The following LMTK3 variants were observed in gnomAD, a reference collection of about 807,000 sequenced individuals.
LMTK3 encodes serine/threonine-protein kinase LMTK3.
A neutral mutation model predicts 116.7 loss-of-function variants in LMTK3; 27 were observed. The ratio of observed to expected loss-of-function variants is 0.23; its 90% CI spans 0.17 to 0.32. The LOEUF is 0.32. LMTK3 is among the 10% of genes least tolerant of loss of function. LMTK3 has a pLI of 1.00. For missense variants in LMTK3, 1,764 were observed against 2,068.5 expected (o/e 0.85, Z 2.86); for synonymous variants, 965 against 971.0 (o/e 0.99, Z 0.11).
At position 48,497,973 on chromosome 19, in the gene LMTK3, C is replaced by T. The variant is rs1231175431; in HGVS notation, c.3096G>A (p.Lys1032=). Residue 1032 remains lysine, a synonymous_variant, in exon 11 of 15, where the codon AAG becomes AAA. Coordinates refer to ENST00000600059, the MANE Select transcript of LMTK3 (RefSeq NM_001388485.1). The surrounding 1 kb of genome is among the most constrained non-coding windows in gnomAD (Gnocchi z 5.7). ...GPWRAPGPWE[K]TPESWGPAPT... ...GGGCTGGACCCCAACTCTCGGGCGT[C>T]TTCTCCCAGGGCCCTGGGGCTCTCC... The T allele has an allele frequency of 6.3e-7, 1 of 1,598,324 alleles. No individual in the cohort carries two copies.
chr19:48,488,897 A>C (rs1193265709), intron 14 of LMTK3, among the ~76,000 whole-genome samples: 1 of 151,850 alleles, frequency 6.6e-6, no homozygotes, highest in Non-Finnish European at 1.5e-5. Flanking sequence ...GCGCCACCAT[A>C]CCCAACTAAT....
At chr19:48,492,547 G>A (rs1217429440) in intron 12 of LMTK3, among the ~76,000 whole-genome samples, 2 of 152,090 alleles carry the variant, frequency 1.3e-5, no homozygotes, top group East Asian at 1.9e-4. Context: ...CGTTAGGTTC[G>A]CTCATCCCTG....
chr19:48,511,530 G>T lies in LMTK3; in HGVS notation c.47C>A (p.Ser16Tyr). ...ALILLAAVSA[S>Y]GCLASPAHPD... The stretch of plus-strand genomic sequence containing the variant: ...GTGGGCCGGGGACGCCAGGCAGCCG[G>T]AGGCGGAGACGGCCGCAAGGAGGAT... The change falls in exon 1 of 15, where the codon TCC becomes TAC. Residue 16 changes from serine to tyrosine, a missense_variant. By Grantham distance (144) the Ser-to-Tyr change is moderately radical (BLOSUM62 -2). This residue lies in a region of LMTK3 where 66 missense variants were observed against 61.1 expected (regional missense o/e 1.08). Transcript: ENST00000600059. 1 of 1,422,746 alleles carries T rather than the reference G, an allele frequency of 7.0e-7. No homozygotes were observed. Among genetic ancestry groups the T allele is most frequent in the Non-Finnish European group, 9.3e-7 (1 of 1,074,336 alleles). The allele number at this position is 1,422,746 out of a possible 1,614,324, so 88.1% of individuals were successfully genotyped here. A position where few individuals can be genotyped will look rare whatever the true frequency, so the allele number is the denominator to read the frequency against.
At position 48,485,394 on chromosome 19, in the gene LMTK3, C is replaced by T. The variant is rs973591619; in HGVS notation, c.*379G>A. 1.7e-4 allele frequency: 35 copies of T among 200,362 alleles called. No homozygotes were observed. The highest frequency in any genetic ancestry group is 2.3e-4 in the Admixed American group (4 of 17,706). The allele number at this position is 200,362 out of a possible 1,614,324, so 12.4% of individuals were successfully genotyped here. A position where few individuals can be genotyped will look rare whatever the true frequency, so the allele number is the denominator to read the frequency against. On this transcript the variant is annotated 3_prime_UTR_variant, in exon 15 of 15. Transcript: ENST00000600059. ...AAGGGGAGACGCGAAATGGGGGGTC[C>T]GGGTCCCCGAAGCCTGCGGCCCCTG...
intron 7 of LMTK3, 118 bp downstream of exon 7, chr19:48,502,315 G>C: frequency 8.1e-7 from 1 of 1,232,662 alleles, no homozygotes; most frequent in Non-Finnish European, 1.1e-6. Context: ...TCCTCGGTTC[G>C]TCCCTATTTT....
In LMTK3 at chr19:48,498,697, C is replaced by G. The variant is rs1382043788; in HGVS notation, c.2372G>C (p.Gly791Ala). ...SGLSSPGPKP[G>A]DSGYETETPF... is the part of the protein sequence containing the mutation. Reference sequence around the variant, plus strand: ...GGTCTCGGTCTCGTAGCCGCTGTCCCCCGGCTTGGGGCCCGGCGACGAGAG... The same window carrying G: ...GGTCTCGGTCTCGTAGCCGCTGTCCGCCGGCTTGGGGCCCGGCGACGAGAG... Residue 791 changes from glycine to alanine, a missense_variant, in exon 11 of 15, where the codon GGG (glycine) becomes GCG (alanine). Gly to Ala is a moderately conservative substitution (Grantham distance 60, BLOSUM62 0). Transcript: ENST00000600059. 2.0e-6 allele frequency: 3 copies of G among 1,534,882 alleles called. No homozygotes were observed. The highest frequency in any genetic ancestry group is 1.7e-6 in the Non-Finnish European group (2 of 1,145,464).
chr19:48,510,331 T>A lies in LMTK3; in HGVS notation c.210+128A>T, dbSNP rs980742800. 3 of 1,426,514 alleles carry A rather than the reference T, an allele frequency of 2.1e-6. No individual in the cohort carries two copies. The African/African-American group carries it at 4.3e-5, about 21-fold the overall frequency. 88.4% of individuals were successfully genotyped at this position (1,426,514 alleles called of 1,614,324 possible). On this transcript the variant is annotated intron_variant, in intron 2 of 14. Coordinates refer to ENST00000600059, the MANE Select transcript of LMTK3 (RefSeq NM_001388485.1). ...TTCCCCATCCCAAGGCTCCAGATCT[T>A]GCCATAGCTTCAAGCTGGAAGGTGC...
Position 48,497,034 on chromosome 19 carries a change from C to A in LMTK3, c.3676+359G>T, listed in dbSNP as rs1381342321. On this transcript the variant is annotated intron_variant, in intron 11 of 14. Coordinates refer to ENST00000600059, the MANE Select transcript of LMTK3 (RefSeq NM_001388485.1). The surrounding 1 kb of genome is among the most constrained non-coding windows in gnomAD (Gnocchi z 5.7). ...GGCCCCTGTGGGCATGAGTTTGAGA[C>A]CCCTGGTCTAAGTGAGTTGCAATAA... is the stretch of plus-strand genomic sequence containing the variant. Among the ~76,000 whole-genome samples the A allele has an allele frequency of 6.6e-6, 1 of 152,320 alleles. No individual in the cohort carries two copies. The highest frequency in any genetic ancestry group is 2.4e-5 in the African/African-American group (1 of 41,568).
chr19:48,486,401 C>G (rs1049173375), intron 14 of LMTK3, among the ~76,000 whole-genome samples: 1 of 151,886 alleles, frequency 6.6e-6, no homozygotes, highest in Non-Finnish European at 1.5e-5. Flanking sequence ...CCACCTGCAA[C>G]GTCCCCTCCA....
At position 48,500,490 on chromosome 19, in the gene LMTK3, G is replaced by T. The variant is rs1278766963; in HGVS notation, c.1151+506C>A. 6.6e-6 allele frequency among the ~76,000 whole-genome samples: 1 copy of T among 152,050 alleles called. No homozygotes were observed. The highest frequency in any genetic ancestry group is 6.5e-5 in the Admixed American group (1 of 15,268). Reference sequence around the variant, plus strand: ...AGGGACAGAGACCCAGAGAGAGGGGGACAGAGACCTAGAGAGAGAGGGAAA... The same window carrying T: ...AGGGACAGAGACCCAGAGAGAGGGGTACAGAGACCTAGAGAGAGAGGGAAA... On this transcript the variant is annotated intron_variant, in intron 10 of 14. Coordinates refer to ENST00000600059, the MANE Select transcript of LMTK3 (RefSeq NM_001388485.1). The surrounding 1 kb of genome is among the most constrained non-coding windows in gnomAD (Gnocchi z 4.0).
At position 48,486,306 on chromosome 19, in the gene LMTK3, G is replaced by A. The variant is rs1019179079; in HGVS notation, c.4367-517C>T. Reference sequence around the variant, plus strand: ...GACCTCCTGACCTCGTGATCCACCCGCCTCGGCCTCCCAAAGTGCTGGGAT... The same window carrying A: ...GACCTCCTGACCTCGTGATCCACCCACCTCGGCCTCCCAAAGTGCTGGGAT... On this transcript the variant is annotated intron_variant, in intron 14 of 14. Transcript: ENST00000600059. Among the ~76,000 whole-genome samples, 10 of 150,322 alleles carry A rather than the reference G, an allele frequency of 6.7e-5. No homozygotes were observed. In the South Asian group the frequency reaches 1.3e-3, roughly 19 times the overall value.
At position 48,501,361 on chromosome 19, in the gene LMTK3, C is replaced by A; in HGVS notation, c.923G>T (p.Arg308Leu). 6.2e-7 allele frequency: 1 copy of A among 1,613,240 alleles called. No individual in the cohort carries two copies. The highest frequency in any genetic ancestry group is 8.5e-7 in the Non-Finnish European group (1 of 1,179,766). Residue 308 changes from arginine (R) to leucine (L), a missense_variant, in exon 9 of 15, where the codon CGC becomes CTC. Around this residue, in one of 7 missense-constraint regions of LMTK3, gnomAD observed 271 missense variants for 478.2 expected, o/e 0.57. Coordinates refer to ENST00000600059, the MANE Select transcript of LMTK3 (RefSeq NM_001388485.1). ...CCCGAGGAGCTCGGGCGCCGCCCAG[C>A]GCAGTGGGATCCACAGGCGCTCTGG... is the stretch of plus-strand genomic sequence containing the variant. ...LTPERLWIPL[R>L]WAAPELLGEL...
At position 48,501,194 on chromosome 19, in the gene LMTK3, C is replaced by T. The variant is rs779035196; in HGVS notation, c.1002-49G>A. ...GAGCCCAGCCCTGACCCACCCGGGC[C>T]TCATTTTCCCCATCTGTAGAACCGG... On this transcript the variant is annotated intron_variant, in intron 9 of 14. Transcript: ENST00000600059. The T allele has an allele frequency of 1.3e-5, 21 of 1,605,000 alleles. No individual in the cohort carries two copies. In the African/African-American group the frequency reaches 1.3e-4, roughly 10 times the overall value.
chr19:48,499,972 AC>A (rs1452029163), intron 10 of LMTK3, 55 bp from the exon 11 acceptor site: 24 of 1,489,454 alleles, frequency 1.6e-5, no homozygotes, highest in Middle Eastern at 2.3e-4. Context: ...GGGGAAAGAG[AC>A]CCAGGGAGGG....
chr19:48,486,772 C>T (rs1972131340), intron 14 of LMTK3, among the ~76,000 whole-genome samples: 2 of 151,862 alleles, frequency 1.3e-5, no homozygotes, highest in African/African-American at 2.4e-5. Flanking sequence ...CTCCCAACCT[C>T]GTGATCCACC....
At chr19:48,509,361 AGCAG>A in intron 4 of LMTK3, 72 bp downstream of exon 4, 10 of 1,344,918 alleles carry the variant, frequency 7.4e-6, no homozygotes, top group Non-Finnish European at 1.0e-5. Context: ...AAGTGGTGAG[AGCAG>A]GGGTGTGGAC....
At chr19:48,511,988 G>A (rs912004892), upstream of LMTK3, among the ~76,000 whole-genome samples, 1 of 143,714 alleles carries the variant, frequency 7.0e-6, no homozygotes, top group African/African-American at 2.6e-5. Context: ...AGCATTGGCT[G>A]CCAGGAGGGA....
rs994000015 is a variant in LMTK3, at chr19:48,494,046, C to A, written c.3740G>T (p.Gly1247Val). 8.5e-7 allele frequency: 1 copy of A among 1,177,716 alleles called. No individual in the cohort carries two copies. Among genetic ancestry groups the A allele is most frequent in the African/African-American group, 1.6e-5 (1 of 62,282 alleles). The allele number at this position is 1,177,716 out of a possible 1,614,324, so 73.0% of individuals were successfully genotyped here. A position where few individuals can be genotyped will look rare whatever the true frequency, so the allele number is the denominator to read the frequency against. The change falls in exon 12 of 15, where the codon GGC (glycine) becomes GTC (valine). Residue 1247 changes from glycine to valine, a missense_variant. This residue lies in a region of LMTK3 where 39 missense variants were observed against 75.4 expected (regional missense o/e 0.52). Coordinates refer to ENST00000600059, the MANE Select transcript of LMTK3 (RefSeq NM_001388485.1). The surrounding 1 kb of genome is among the most constrained non-coding windows in gnomAD (Gnocchi z 4.0). ...PLTLTPFPGPGPRRPPWEGAD... is the reference protein window; with the variant it reads ...PLTLTPFPGPVPRRPPWEGAD... The stretch of plus-strand genomic sequence containing the variant: ...GCCCTCCCACGGGGGCCGCCGCGGG[C>A]CCGGCCCCGGGAATGGCGTGAGCGT...
At chr19:48,496,253 G>T (rs1972320266) in intron 11 of LMTK3, among the ~76,000 whole-genome samples, 1 of 151,760 alleles carries the variant, frequency 6.6e-6, no homozygotes, top group South Asian at 2.1e-4. Context: ...AGGACTACAG[G>T]TGCATGCCAC....
Sources: gnomAD v4.1 joint callset for allele counts (sites outside exome capture counted in the v4.1 genomes callset) on GRCh38, gnomAD v4.1.1 for gene constraint, gnomAD v4.1.1 regional missense constraint, Gnocchi (gnomAD v3.1) non-coding constraint, MANE v1.5 for transcripts, NCBI Gene and HGNC (gene_info 2026-07-23, HGNC 2026-07-21) for gene names.